The following BMPR1B variants were observed in gnomAD, a reference collection of about 807,000 sequenced individuals.
The protein encoded by BMPR1B is bone morphogenetic protein receptor type-1B.
BMPR1B carries 12 observed loss-of-function variants against 59.1 expected under a neutral mutation model. The ratio of observed to expected loss-of-function variants is 0.20; its 90% CI spans 0.13 to 0.33. BMPR1B has a LOEUF of 0.33. Among genes scored for constraint, BMPR1B ranks in the 10% least tolerant of loss-of-function variants. BMPR1B has a pLI of 1.00. For missense variants in BMPR1B, 550 were observed against 610.9 expected (o/e 0.90, Z 1.05); for synonymous variants, 237 against 207.3 (o/e 1.14, Z -1.23).
chr4:95,015,599 C>G (rs988476545), intron 3 of BMPR1B, among the ~76,000 whole-genome samples: 28 of 152,050 alleles, frequency 1.8e-4, no homozygotes, highest in Non-Finnish European at 4.0e-4. Context: ...GTTGCCCAGG[C>G]TGGTCTCTAG....
At chr4:94,795,844 G>C (rs1400114243) in intron 1 of BMPR1B, among the ~76,000 whole-genome samples, 1 of 152,128 alleles carries the variant, frequency 6.6e-6, no homozygotes, top group East Asian at 1.9e-4. Context: ...CAAACAAGCA[G>C]CCTCGGACTT....
chr4:94,765,264 T>G (rs185109490), intron 1 of BMPR1B, among the ~76,000 whole-genome samples: 3 of 152,338 alleles, frequency 2.0e-5, no homozygotes, highest in African/African-American at 4.8e-5. Context: ...AAGAATTTTC[T>G]TATGCATTAC....
intron 2 of BMPR1B, among the ~76,000 whole-genome samples, chr4:94,893,812 G>A (rs1727487367): frequency 6.6e-6 from 1 of 151,990 alleles, no homozygotes; most frequent in South Asian, 2.1e-4. Context: ...TGGAAATGGT[G>A]GAGAGAACCC....
chr4:95,018,408 T>C (rs571721040), intron 3 of BMPR1B, among the ~76,000 whole-genome samples: 2 of 152,312 alleles, frequency 1.3e-5, no homozygotes, highest in Non-Finnish European at 2.9e-5. Context: ...CCATTTACTC[T>C]ACTTGCTTTT....
rs1400928246 is a variant in BMPR1B, at chr4:95,120,653, T to TTCCTTCCTTCCTTC, written c.350-3157_350-3156insTCCTTCCTTCCTTC. On this transcript the variant is annotated intron_variant, in intron 6 of 12. Coordinates refer to ENST00000515059, the MANE Select transcript of BMPR1B (RefSeq NM_001203.3). ...TCCTTCCTTCCTTCCTTCCTTCCTT[T>TTCCTTCCTTCCTTC]CCTTCCTTCCTTCTTCTTTCTTTTC... is the stretch of plus-strand genomic sequence containing the variant. Among the ~76,000 whole-genome samples, 498 of 116,578 alleles carry TTCCTTCCTTCCTTC rather than the reference T, an allele frequency of 4.3e-3. 3 individuals are homozygous for TTCCTTCCTTCCTTC. The highest frequency in any genetic ancestry group is 0.013 in the African/African-American group (437 of 33,192). 76.5% of individuals were successfully genotyped at this position (116,578 alleles called of 152,430 possible).
chr4:94,844,146 G>T (rs1725218234), intron 1 of BMPR1B, among the ~76,000 whole-genome samples: 1 of 152,138 alleles, frequency 6.6e-6, no homozygotes, highest in African/African-American at 2.4e-5. Context: ...TTTGCTAAAA[G>T]AATTGATCTT....
At chr4:95,004,600 A>C (rs926576199) in intron 3 of BMPR1B, among the ~76,000 whole-genome samples, 1 of 152,174 alleles carries the variant, frequency 6.6e-6, no homozygotes, top group Non-Finnish European at 1.5e-5. Flanking sequence ...TATATTCCTC[A>C]GGTGAATATT....
intron 3 of BMPR1B, among the ~76,000 whole-genome samples, chr4:95,077,432 C>A (rs1453184507): frequency 6.6e-5 from 10 of 152,000 alleles, no homozygotes; most frequent in East Asian, 1.9e-4. Context: ...CAGTTTTCAC[C>A]TGATGTAGGC....
intron 2 of BMPR1B, among the ~76,000 whole-genome samples, chr4:94,948,030 C>G (rs929952963): frequency 1.3e-5 from 2 of 152,158 alleles, no homozygotes; most frequent in Admixed American, 6.5e-5. Context: ...TCTCAAGATC[C>G]TGTGATGTGC....
At chr4:95,078,252 C>G (rs1298835106) in intron 3 of BMPR1B, among the ~76,000 whole-genome samples, 2 of 152,152 alleles carry the variant, frequency 1.3e-5, no homozygotes, top group Non-Finnish European at 2.9e-5. Flanking sequence ...CTATCACACT[C>G]TAGGAAGTAG....
chr4:95,073,103 A>AG (rs1305189532), intron 3 of BMPR1B, among the ~76,000 whole-genome samples: 5 of 152,132 alleles, frequency 3.3e-5, no homozygotes, highest in East Asian at 3.8e-4. Context: ...CTAAGAGATA[A>AG]GGGGGGGAAA....
At chr4:95,043,502 T>G (rs1725821121) in intron 3 of BMPR1B, among the ~76,000 whole-genome samples, 1 of 152,228 alleles carries the variant, frequency 6.6e-6, no homozygotes, top group African/African-American at 2.4e-5. Context: ...TAAACCTTTG[T>G]GTCTAATCTT....
intron 6 of BMPR1B, among the ~76,000 whole-genome samples, chr4:95,122,333 A>G (rs2149289056): frequency 6.9e-6 from 1 of 145,866 alleles, no homozygotes. Flanking sequence ...AAGATCCTGT[A>G]TCAAAAAAAA....
intron 3 of BMPR1B, among the ~76,000 whole-genome samples, chr4:95,075,044 T>C (rs975856167): frequency 6.6e-5 from 10 of 152,180 alleles, no homozygotes; most frequent in Non-Finnish European, 2.9e-5. Flanking sequence ...TGTATTCCTC[T>C]AAAGAACATC....
intron 1 of BMPR1B, among the ~76,000 whole-genome samples, chr4:94,816,059 TCTTTTA>T (rs1214074433): frequency 6.6e-6 from 1 of 152,210 alleles, no homozygotes; most frequent in Non-Finnish European, 1.5e-5. Context: ...GTTTTCTCTT[TCTTTTA>T]CTTATATTTT....
chr4:95,003,297 C>T (rs1467264218), intron 3 of BMPR1B, among the ~76,000 whole-genome samples: 1 of 152,056 alleles, frequency 6.6e-6, no homozygotes, highest in African/African-American at 2.4e-5. Flanking sequence ...AATCGTTCTC[C>T]CCCTTTCTCA....
chr4:95,031,630 G>A (rs1394650357), intron 3 of BMPR1B, among the ~76,000 whole-genome samples: 1 of 152,084 alleles, frequency 6.6e-6, no homozygotes, highest in Non-Finnish European at 1.5e-5. Context: ...AGCTATCATT[G>A]CAGGATTTTA....
chr4:95,121,220 C>T (rs936602516), intron 6 of BMPR1B, among the ~76,000 whole-genome samples: 2 of 152,142 alleles, frequency 1.3e-5, no homozygotes, highest in Non-Finnish European at 2.9e-5. Context: ...TACAGCTAAC[C>T]AAGGAGGTAA....
intron 2 of BMPR1B, among the ~76,000 whole-genome samples, chr4:94,894,143 C>G (rs1267752303): frequency 6.6e-6 from 1 of 151,986 alleles, no homozygotes; most frequent in Non-Finnish European, 1.5e-5. Flanking sequence ...AAAAGCACAA[C>G]CAGTCTGCAT....
Sources: gnomAD v4.1 joint callset for allele counts (sites outside exome capture counted in the v4.1 genomes callset) on GRCh38, gnomAD v4.1.1 for gene constraint, MANE v1.5 for transcripts, NCBI Gene and HGNC (gene_info 2026-07-23, HGNC 2026-07-21) for gene names.